Variants in CYP46A1 observed in about 807,000 individuals in gnomAD.
The protein encoded by CYP46A1 is cholesterol 24-hydroxylase.
A neutral mutation model predicts 63.3 loss-of-function variants in CYP46A1; 20 were observed. The observed-to-expected ratio is 0.32, with a 90% CI of 0.22 to 0.46. The LOEUF is 0.46. Among genes scored for constraint, CYP46A1 ranks in the 20% least tolerant of loss-of-function variants. The pLI is 1.00. For synonymous variants in CYP46A1, 268 were observed against 273.6 expected, an observed-to-expected ratio of 0.98 and a Z score of 0.20; for missense variants, 445 against 670.8, an observed-to-expected ratio of 0.66 and a Z score of 3.72.
At chr14:99,716,554 C>T (rs1424088747) in intron 9 of CYP46A1, among the ~76,000 whole-genome samples, 1 of 152,216 alleles carries the variant, frequency 6.6e-6, no homozygotes, top group African/African-American at 2.4e-5. Context: ...TCAGATATTT[C>T]CTGAACATGG....
Position 99,707,640 on chromosome 14 carries a change from T to C in CYP46A1, c.655T>C (p.Leu219=). 6.2e-7 allele frequency: 1 copy of C among 1,614,084 alleles called. No individual in the cohort carries two copies. The highest frequency in any genetic ancestry group is 8.5e-7 in the Non-Finnish European group (1 of 1,179,966). Residue 219 remains leucine, a synonymous_variant, in exon 7 of 15, where the codon TTG becomes CTG. Coordinates refer to ENST00000261835, the MANE Select transcript of CYP46A1 (RefSeq NM_006668.2). ...KPLSQAVKLM[L]EGITASRNTL... ...TCTGTCCCAGGCAGTGAAACTTATG[T>C]TGGAGGGAATCACTGCGTCCCGCAA...
At chr14:99,721,162 G>A (rs2056842896) in intron 10 of CYP46A1, 77 bp from the exon 11 acceptor site, 1 of 1,010,098 alleles carries the variant, frequency 9.9e-7, no homozygotes, top group South Asian at 1.3e-5. Context: ...CTTCCTTCCA[G>A]TGCCCCCTTC....
intron 3 of CYP46A1, among the ~76,000 whole-genome samples, chr14:99,699,027 C>T (rs955487475): frequency 1.3e-5 from 2 of 152,206 alleles, no homozygotes; most frequent in South Asian, 2.1e-4. Flanking sequence ...CTTGACTGCC[C>T]GGCTTGAGTG....
intron 2 of CYP46A1, 70 bp from the exon 3 acceptor site, chr14:99,691,710 G>A: frequency 2.8e-6 from 4 of 1,434,626 alleles, no homozygotes; most frequent in Non-Finnish European, 3.9e-6. Context: ...CGGTTTCTCA[G>A]CTGGGCGGGG....
At chr14:99,709,573 C>T (rs761694459) in intron 7 of CYP46A1, 17 of 152,228 alleles carry the variant, frequency 1.1e-4, no homozygotes, top group Admixed American at 2.0e-4. Flanking sequence ...ATTCCAGTTC[C>T]GGGAATTTCA....
intron 7 of CYP46A1, chr14:99,713,255 C>G (rs890153294): frequency 6.7e-6 from 1 of 148,160 alleles, no homozygotes; most frequent in Non-Finnish European, 1.5e-5. Context: ...ATGGTGAAAC[C>G]CTGTCTCTAC....
intron 3 of CYP46A1, among the ~76,000 whole-genome samples, chr14:99,694,375 T>TTC (rs1342133234): frequency 2.0e-5 from 3 of 151,528 alleles, no homozygotes; most frequent in Non-Finnish European, 1.5e-5. Context: ...GGTTTTCTTT[T>TTC]TTTTTTTTTT....
chr14:99,717,532 G>A (rs962394594), intron 9 of CYP46A1, among the ~76,000 whole-genome samples: 3 of 152,096 alleles, frequency 2.0e-5, no homozygotes, highest in Non-Finnish European at 2.9e-5. Flanking sequence ...GCTCTGACTT[G>A]CTGTAAGTTA....
In CYP46A1 at chr14:99,727,050, C is replaced by T. The variant is rs1184314140; in HGVS notation, c.*323C>T. On this transcript the variant is annotated 3_prime_UTR_variant, in exon 15 of 15. Transcript: ENST00000261835. ...TCCCTAAAGCCCTCTTCAGGGGTCA[C>T]CTCCTCCAAGAAGCCCTCCTTGCCA... The T allele has an allele frequency of 9.5e-6, 3 of 317,346 alleles. No individual in the cohort carries two copies. Among genetic ancestry groups the T allele is most frequent in the Admixed American group, 1.0e-4 (2 of 19,964 alleles). The allele number at this position is 317,346 out of a possible 1,614,324, so 19.7% of individuals were successfully genotyped here. A position where few individuals can be genotyped will look rare whatever the true frequency, so the allele number is the denominator to read the frequency against.
rs2056519214 is a variant in CYP46A1, at chr14:99,688,869, C to T, written c.120-2212C>T. ...CCTGGATCCTCGTCTGACCTGGCCC[C>T]CAGCAGCCTGGGCAGAGCCGATGCC... On this transcript the variant is annotated intron_variant, in intron 1 of 14. Coordinates refer to ENST00000261835, the MANE Select transcript of CYP46A1 (RefSeq NM_006668.2). Among the ~76,000 whole-genome samples the T allele has an allele frequency of 3.9e-5, 6 of 152,306 alleles. No homozygotes were observed. The Middle Eastern group carries it at 0.014, about 345-fold the overall frequency.
Position 99,708,144 on chromosome 14 carries a change from C to T in CYP46A1, c.693+466C>T, listed in dbSNP as rs1351478659. On this transcript the variant is annotated intron_variant, in intron 7 of 14. Transcript: ENST00000261835. ...CACTGTCCAGGGACCAGACATGCCC[C>T]ACCCACTGCCAGCACCCGTGCGCAT... 8.5e-6 allele frequency: 2 copies of T among 234,154 alleles called. 1 individual carries two copies. Among genetic ancestry groups the T allele is most frequent in the Admixed American group, 1.1e-4 (2 of 18,866 alleles). 14.5% of individuals were successfully genotyped at this position (234,154 alleles called of 1,614,324 possible). A position where few individuals can be genotyped will look rare whatever the true frequency, so the allele number is the denominator to read the frequency against.
At chr14:99,718,178 C>A in intron 10 of CYP46A1, 52 bp downstream of exon 10, 1 of 1,528,668 alleles carries the variant, frequency 6.5e-7, no homozygotes, top group Non-Finnish European at 9.0e-7. Context: ...ATTTCTTGTT[C>A]CTGAGGGCCA....
intron 10 of CYP46A1, among the ~76,000 whole-genome samples, chr14:99,720,009 G>A (rs1415730592): frequency 2.0e-5 from 3 of 151,018 alleles, no homozygotes; most frequent in Admixed American, 6.6e-5. Flanking sequence ...TGATCCACCC[G>A]CCTCGGCCTC....
intron 1 of CYP46A1, 151 bp downstream of exon 1, chr14:99,684,687 C>G (rs1462581750): frequency 1.4e-6 from 1 of 697,286 alleles, no homozygotes; most frequent in Non-Finnish European, 2.6e-6. Context: ...GCTAACTATT[C>G]TTAGTAACAA....
rs773777664 is a variant in CYP46A1 at position 99,726,667 on chromosome 14, C to T, written c.1443C>T (p.Pro481=). Residue 481 remains proline, a synonymous_variant, in exon 15 of 15, where the codon CCC becomes CCT. Coordinates refer to ENST00000261835, the MANE Select transcript of CYP46A1 (RefSeq NM_006668.2). ...AGGCCACACTCAAGCCACTGGACCC[C>T]GTGCTGTGCACCCTGCGGCCCCGCG... is the stretch of plus-strand genomic sequence containing the variant. ...QEQATLKPLD[P]VLCTLRPRGW... 4.5e-5 allele frequency: 70 copies of T among 1,559,328 alleles called. No individual in the cohort carries two copies. The highest frequency in any genetic ancestry group is 1.2e-4 in the Admixed American group (6 of 52,134).
At chr14:99,687,390 T>G (rs958221771) in intron 1 of CYP46A1, among the ~76,000 whole-genome samples, 10 of 152,334 alleles carry the variant, frequency 6.6e-5, no homozygotes, top group African/African-American at 2.4e-4. Flanking sequence ...TCCACTCCGA[T>G]TTGCCCAGTT....
In CYP46A1 at chr14:99,726,767, C is replaced by T. The variant is rs1418447208; in HGVS notation, c.*40C>T. On this transcript the variant is annotated 3_prime_UTR_variant, in exon 15 of 15. Coordinates refer to ENST00000261835, the MANE Select transcript of CYP46A1 (RefSeq NM_006668.2). ...AGGACGAGACTCCTCGGGCAAGGGC[C>T]GTGCCCGCCCACCTCTGCTGCCCAC... The T allele has an allele frequency of 3.4e-5, 49 of 1,443,734 alleles. No homozygotes were observed. The highest frequency in any genetic ancestry group is 2.4e-4 in the Middle Eastern group (1 of 4,084). 89.4% of individuals were successfully genotyped at this position (1,443,734 alleles called of 1,614,324 possible).
chr14:99,691,335 T>G lies in CYP46A1; in HGVS notation c.200+174T>G, dbSNP rs960143470. ...GGTGAGGCTGGCTTGGAAGCCATGCTCTGCCATTCATCCACTGCAGGACCT... is the reference window on the plus strand; with the variant it reads ...GGTGAGGCTGGCTTGGAAGCCATGCGCTGCCATTCATCCACTGCAGGACCT... On this transcript the variant is annotated intron_variant, in intron 2 of 14. Coordinates refer to ENST00000261835, the MANE Select transcript of CYP46A1 (RefSeq NM_006668.2). 5 of 650,608 alleles carry G rather than the reference T, an allele frequency of 7.7e-6. No homozygotes were observed. In the Admixed American group the frequency reaches 1.0e-4, roughly 13 times the overall value. 40.3% of individuals were successfully genotyped at this position (650,608 alleles called of 1,614,324 possible). A position where few individuals can be genotyped will look rare whatever the true frequency, so the allele number is the denominator to read the frequency against.
chr14:99,690,356 C>T (rs577296020), intron 1 of CYP46A1, among the ~76,000 whole-genome samples: 36 of 152,332 alleles, frequency 2.4e-4, no homozygotes, highest in African/African-American at 8.7e-4. Flanking sequence ...CTTCCCCGTA[C>T]TCTGTTCTCT....
Sources: allele counts gnomAD v4.1 joint callset (sites outside exome capture counted in the v4.1 genomes callset), GRCh38; gene constraint gnomAD v4.1.1; transcripts MANE v1.5; gene names NCBI Gene and HGNC (gene_info 2026-07-23, HGNC 2026-07-21).